The following MEDAG variants were observed in gnomAD, a reference collection of about 807,000 sequenced individuals.
The protein encoded by MEDAG is mesenteric estrogen-dependent adipogenesis protein.
MEDAG carries 25 observed loss-of-function variants against 29.9 expected under a neutral mutation model. The observed-to-expected ratio is 0.84, with a 90% CI of 0.61 to 1.17. The LOEUF (loss-of-function observed/expected upper bound fraction) is 1.17. Ranked by LOEUF, MEDAG falls within the 50% of genes most tolerant of loss-of-function variation. MEDAG has a pLI of 0.00. For missense variants in MEDAG, 398 were observed against 372.9 expected (o/e 1.07, Z -0.56); for synonymous variants, 158 against 148.2 (o/e 1.07, Z -0.48).
intron 1 of MEDAG, among the ~76,000 whole-genome samples, chr13:30,914,474 A>G (rs1468821995): frequency 6.6e-6 from 1 of 152,254 alleles, no homozygotes; most frequent in East Asian, 1.9e-4. Flanking sequence ...TAAGGAGCTG[A>G]AATTCAAGTA....
intron 1 of MEDAG, among the ~76,000 whole-genome samples, chr13:30,907,418 A>G (rs1952841285): frequency 6.6e-6 from 1 of 152,226 alleles, no homozygotes; most frequent in African/African-American, 2.4e-5. Context: ...AGGCACAGAT[A>G]AGTTCTGGGG....
chr13:30,906,529 C>A lies in MEDAG; in HGVS notation c.14C>A (p.Ala5Asp). 6.6e-7 allele frequency: 1 copy of A among 1,512,024 alleles called. No homozygotes were observed. The highest frequency in any genetic ancestry group is 8.8e-7 in the Non-Finnish European group (1 of 1,137,972). 93.7% of individuals were successfully genotyped at this position (1,512,024 alleles called of 1,614,324 possible). The change falls in exon 1 of 5, where the codon GCC (alanine) becomes GAC (aspartate). Residue 5 changes from alanine to aspartate, a missense_variant. Ala to Asp is a moderately radical substitution (Grantham distance 126, BLOSUM62 -2). Transcript: ENST00000380482. ...GACGACGCGGGCATGGCGGGGGCGG[C>A]CTGCGAGCCGGTGGCCAGGCCGAGC... MAGA[A>D]CEPVARPSLT...
intron 1 of MEDAG, among the ~76,000 whole-genome samples, chr13:30,916,969 A>G (rs1952935221): frequency 6.6e-6 from 1 of 152,146 alleles, no homozygotes; most frequent in Non-Finnish European, 1.5e-5. Context: ...ATTAGTGGGG[A>G]AGTGGGGAGA....
chr13:30,909,498 G>A (rs1358947110), intron 1 of MEDAG, among the ~76,000 whole-genome samples: 1 of 152,006 alleles, frequency 6.6e-6, no homozygotes, highest in Non-Finnish European at 1.5e-5. Context: ...AGATGGCCAG[G>A]GATCCCAAAA....
chr13:30,910,948 G>A (rs1344049260), intron 1 of MEDAG, among the ~76,000 whole-genome samples: 10 of 152,232 alleles, frequency 6.6e-5, no homozygotes. Context: ...CTTAGATGTA[G>A]CAACCTGCTT....
At position 30,924,249 on chromosome 13, in the gene MEDAG, A is replaced by G. The variant is rs900205532; in HGVS notation, c.788-62A>G. 11 of 1,504,884 alleles carry G rather than the reference A, an allele frequency of 7.3e-6. 1 individual carries two copies. The African/African-American group carries it at 8.4e-5, about 12-fold the overall frequency. 93.2% of individuals were successfully genotyped at this position (1,504,884 alleles called of 1,614,324 possible). A position where few individuals can be genotyped will look rare whatever the true frequency, so the allele number is the denominator to read the frequency against. ...GTTAGGTTGCATGAATTTGAAAGGC[A>G]CTGTTGGTTTTTTTTTCTTTCAGTG... is the stretch of plus-strand genomic sequence containing the variant. On this transcript the variant is annotated intron_variant, in intron 4 of 4. Transcript: ENST00000380482.
intron 2 of MEDAG, among the ~76,000 whole-genome samples, chr13:30,919,675 G>A (rs192478715): frequency 4.7e-4 from 71 of 152,320 alleles, no homozygotes; most frequent in African/African-American, 1.6e-3. Context: ...CCTCGAGGAC[G>A]TAAACACTTG....
At position 30,921,042 on chromosome 13, in the gene MEDAG, G is replaced by C; in HGVS notation, c.417G>C (p.Thr139=). 2 of 1,613,846 alleles carry C rather than the reference G, an allele frequency of 1.2e-6. No homozygotes were observed. The highest frequency in any genetic ancestry group is 1.7e-6 in the Non-Finnish European group (2 of 1,179,900). ...KERTYAFLVN[T]RHPKIRRQIE... ...GGACGTACGCGTTTCTTGTAAACAC[G>C]AGGCACCCCAAGATAAGAAGACAGA... Residue 139 remains threonine (T), a synonymous_variant, in exon 3 of 5, where the codon ACG becomes ACC. Transcript: ENST00000380482.
chr13:30,917,353 T>C, intron 1 of MEDAG, 50 bp from the exon 2 acceptor site: 1 of 1,113,778 alleles, frequency 9.0e-7, no homozygotes, highest in South Asian at 1.2e-5. Context: ...CCCTTCCTAA[T>C]TTAGATGAAA....
chr13:30,913,132 G>C (rs1187784992), intron 1 of MEDAG, among the ~76,000 whole-genome samples: 1 of 151,380 alleles, frequency 6.6e-6, no homozygotes, highest in East Asian at 1.9e-4. Context: ...AGCAAATCAG[G>C]ACTTGAATTA....
rs377270089 is a variant in MEDAG, at chr13:30,921,168, G to A, written c.501+42G>A. On this transcript the variant is annotated intron_variant, in intron 3 of 4. Transcript: ENST00000380482. ...TGAATCCAGGGCTGTCAACCACATG[G>A]AAGGAGCTTGTGCATTTCATGCAGG... 324 of 1,516,060 alleles carry A rather than the reference G, an allele frequency of 2.1e-4. 1 individual carries two copies. The highest frequency in any genetic ancestry group is 2.9e-4 in the Non-Finnish European group (313 of 1,096,864). 93.9% of individuals were successfully genotyped at this position (1,516,060 alleles called of 1,614,324 possible).
chr13:30,915,322 G>T (rs1359595830), intron 1 of MEDAG, among the ~76,000 whole-genome samples: 4 of 152,122 alleles, frequency 2.6e-5, no homozygotes, highest in African/African-American at 4.8e-5. Flanking sequence ...ATTTGTGCTG[G>T]GTGTTTGGCC....
rs758844060 is a variant in MEDAG at position 30,906,659 on chromosome 13, C to A, written c.144C>A (p.Phe48Leu). 1 of 1,565,780 alleles carries A rather than the reference C, an allele frequency of 6.4e-7. No individual in the cohort carries two copies. Among genetic ancestry groups the A allele is most frequent in the East Asian group, 2.4e-5 (1 of 42,536 alleles). ...AQLLRLQPGA[F>L]QLSGDQLVVA... ...TGCTGCGCCTGCAGCCCGGTGCCTT[C>A]CAGCTGAGCGGCGACCAGCTCGTGG... The change falls in exon 1 of 5, where the codon TTC (phenylalanine) becomes TTA (leucine). Residue 48 changes from phenylalanine to leucine, a missense_variant. Coordinates refer to ENST00000380482, the MANE Select transcript of MEDAG (RefSeq NM_032849.4).
chr13:30,907,093 A>G (rs1430965740), intron 1 of MEDAG, among the ~76,000 whole-genome samples: 1 of 152,228 alleles, frequency 6.6e-6, no homozygotes, highest in Non-Finnish European at 1.5e-5. Context: ...TGAGTGGCAG[A>G]TGCTTCTCCC....
At chr13:30,909,584 T>C (rs1212854101) in intron 1 of MEDAG, among the ~76,000 whole-genome samples, 3 of 152,176 alleles carry the variant, frequency 2.0e-5, no homozygotes, top group Non-Finnish European at 2.9e-5. Context: ...AATGTAAATA[T>C]ATACCCAATT....
At chr13:30,916,218 G>A (rs1233675802) in intron 1 of MEDAG, 1 of 152,242 alleles carries the variant, frequency 6.6e-6, no homozygotes, top group Admixed American at 6.5e-5. Context: ...CTTGACACAT[G>A]CCCCGGTCAC....
chr13:30,906,650 C>T lies in MEDAG; in HGVS notation c.135C>T (p.Pro45=). 4 of 1,571,820 alleles carry T rather than the reference C, an allele frequency of 2.5e-6. No individual in the cohort carries two copies. Among genetic ancestry groups the T allele is most frequent in the Non-Finnish European group, 3.4e-6 (4 of 1,167,024 alleles). The change falls in exon 1 of 5, where the codon CCC becomes CCT. Residue 45 remains proline, a synonymous_variant. Transcript: ENST00000380482. ...TGGCTCAGCTGCTGCGCCTGCAGCC[C>T]GGTGCCTTCCAGCTGAGCGGCGACC... The part of the protein sequence containing the change: ...LPLAQLLRLQ[P]GAFQLSGDQL...
rs759626056 is a variant in MEDAG at position 30,906,523 on chromosome 13, G to C, written c.8G>C (p.Gly3Ala). 3.3e-6 allele frequency: 5 copies of C among 1,512,276 alleles called. No individual in the cohort carries two copies. The highest frequency in any genetic ancestry group is 3.9e-5 in the Admixed American group (2 of 51,766). The allele number at this position is 1,512,276 out of a possible 1,614,324, so 93.7% of individuals were successfully genotyped here. Residue 3 changes from glycine (G) to alanine (A), a missense_variant, in exon 1 of 5, where the codon GGG (glycine) becomes GCG (alanine). By Grantham distance (60) the Gly-to-Ala change is moderately conservative. Transcript: ENST00000380482. ...AGGACCGACGACGCGGGCATGGCGG[G>C]GGCGGCCTGCGAGCCGGTGGCCAGG... Reference protein sequence around the residue: MAGAACEPVARPS... With the variant: MAAAACEPVARPS...
intron 1 of MEDAG, among the ~76,000 whole-genome samples, chr13:30,908,289 G>C (rs1022705421): frequency 6.6e-6 from 1 of 152,204 alleles, no homozygotes; most frequent in Non-Finnish European, 1.5e-5. Context: ...AGGTAACACA[G>C]ACCAGGGTGC....
Sources: gnomAD v4.1 joint callset for allele counts (sites outside exome capture counted in the v4.1 genomes callset) on GRCh38, gnomAD v4.1.1 for gene constraint, MANE v1.5 for transcripts, NCBI Gene and HGNC (gene_info 2026-07-23, HGNC 2026-07-21) for gene names.